Variants in DCHS2 observed in about 807,000 individuals in gnomAD.
DCHS2 encodes the protein dachsous cadherin-related 2.
A neutral mutation model predicts 182.4 loss-of-function variants in DCHS2; 142 were observed. That is an observed-to-expected ratio of 0.78 (90% CI 0.68 to 0.89). The LOEUF (loss-of-function observed/expected upper bound fraction) is 0.89, where lower values mean the gene tolerates loss of function less well. DCHS2 is among the 40% of genes least tolerant of loss of function. The pLI, the probability that DCHS2 is intolerant of heterozygous loss-of-function variation, is 0.00. For missense variants in DCHS2, 4,319 were observed against 4,198.6 expected (o/e 1.03, Z -0.79); for synonymous variants, 1,740 against 1,663.3 (o/e 1.05, Z -1.12).
intron 1 of DCHS2, among the ~76,000 whole-genome samples, chr4:154,458,356 A>G (rs1306498049): frequency 6.6e-6 from 1 of 152,192 alleles, no homozygotes; most frequent in Non-Finnish European, 1.5e-5. Flanking sequence ...AGTATGTAGA[A>G]GCTCTATGCT....
chr4:154,297,737 T>G, intron 13 of DCHS2, 114 bp downstream of exon 13: 5 of 1,474,330 alleles, frequency 3.4e-6, no homozygotes, highest in Non-Finnish European at 4.5e-6. Flanking sequence ...GAACAGGCAT[T>G]GAACTAAAAA....
At chr4:154,400,739 G>C (rs1461186607) in intron 1 of DCHS2, among the ~76,000 whole-genome samples, 1 of 152,102 alleles carries the variant, frequency 6.6e-6, no homozygotes, top group African/African-American at 2.4e-5. Flanking sequence ...ACTCATGCTA[G>C]CTACAAAATC....
In DCHS2 at chr4:154,489,208, A is replaced by G. The variant is rs1028767066; in HGVS notation, c.2052+96T>C. ...GCCAGTCTTGTATTTGAGAGCCGGA[A>G]TATTATCCTCCACATCACAATTTCC... On this transcript the variant is annotated intron_variant, in intron 1 of 19. Coordinates refer to ENST00000357232, the MANE Select transcript of DCHS2 (RefSeq NM_001358235.2). 1.3e-5 allele frequency: 14 copies of G among 1,041,590 alleles called. 1 individual carries two copies. In the East Asian group the frequency reaches 3.7e-4, roughly 27 times the overall value. The allele number at this position is 1,041,590 out of a possible 1,614,324, so 64.5% of individuals were successfully genotyped here. A position where few individuals can be genotyped will look rare whatever the true frequency, so the allele number is the denominator to read the frequency against.
In DCHS2 at chr4:154,321,057, TATC is replaced by T; in HGVS notation, c.4339_4341del (p.Asp1447del). 1 of 1,611,792 alleles carries T rather than the reference TATC, an allele frequency of 6.2e-7. No homozygotes were observed. The highest frequency in any genetic ancestry group is 8.5e-7 in the Non-Finnish European group (1 of 1,178,118). On this transcript the variant is annotated inframe_deletion, in exon 9 of 20. Transcript: ENST00000357232. ...CTGTCTATTTCAAAGTGTCCATCCT[TATC>T]ATCTGCAACAATACTAAAATGTAAC...
In DCHS2 at chr4:154,250,380, C is replaced by T. The variant is rs144916879; in HGVS notation, c.6941+5139G>A. Reference sequence around the variant, plus strand: ...CCTCAATTCTCATTTTACATATTCTCCCTAGGTAATTCATTTTACACATTT... The same window carrying T: ...CCTCAATTCTCATTTTACATATTCTTCCTAGGTAATTCATTTTACACATTT... On this transcript the variant is annotated intron_variant, in intron 16 of 19. Coordinates refer to ENST00000357232, the MANE Select transcript of DCHS2 (RefSeq NM_001358235.2). Among the ~76,000 whole-genome samples, 1,239 of 152,196 alleles carry T rather than the reference C, an allele frequency of 8.1e-3. 8 individuals are homozygous for T. Among genetic ancestry groups the T allele is most frequent in the Non-Finnish European group, 0.013 (873 of 68,006 alleles).
intron 9 of DCHS2, 127 bp downstream of exon 9, chr4:154,320,252 G>A: frequency 2.1e-6 from 3 of 1,406,052 alleles, no homozygotes; most frequent in Non-Finnish European, 2.8e-6. Flanking sequence ...GATACGCTGT[G>A]CAACATTGAA....
At chr4:154,452,178 G>T (rs1734562362) in intron 1 of DCHS2, among the ~76,000 whole-genome samples, 1 of 151,978 alleles carries the variant, frequency 6.6e-6, no homozygotes, top group South Asian at 2.1e-4. Context: ...CATACAGCTT[G>T]ATACTATAGT....
At chr4:154,336,437 C>T (rs1455313147) in intron 3 of DCHS2, among the ~76,000 whole-genome samples, 2 of 152,164 alleles carry the variant, frequency 1.3e-5, no homozygotes, top group African/African-American at 2.4e-5. Flanking sequence ...ATACGTATGG[C>T]TGGCCTTTAT....
chr4:154,419,081 G>A (rs1314054884), intron 1 of DCHS2, among the ~76,000 whole-genome samples: 3 of 151,450 alleles, frequency 2.0e-5, no homozygotes, highest in African/African-American at 7.4e-5. Context: ...TAGGCCTCCT[G>A]AGTAGGTGAC....
chr4:154,317,817 C>G (rs186174626), intron 9 of DCHS2, among the ~76,000 whole-genome samples: 4 of 152,198 alleles, frequency 2.6e-5, no homozygotes, highest in Admixed American at 2.0e-4. Context: ...GGGTGAGTGA[C>G]ATTTCTGCAG....
Position 154,490,779 on chromosome 4 carries a change from C to G in DCHS2, c.577G>C (p.Asp193His). 2 of 1,551,602 alleles carry G rather than the reference C, an allele frequency of 1.3e-6. No homozygotes were observed. Among genetic ancestry groups the G allele is most frequent in the Non-Finnish European group, 1.7e-6 (2 of 1,146,900 alleles). ...GTAFRLPVAH[D>H]PDAGLFSTQG... Reference sequence around the variant, plus strand: ...GTGCTGAACAGTCCGGCGTCCGGATCGTGGGCAACTGGCAGGCGGAAGGCG... The same window carrying G: ...GTGCTGAACAGTCCGGCGTCCGGATGGTGGGCAACTGGCAGGCGGAAGGCG... Residue 193 changes from aspartate to histidine, a missense_variant, in exon 1 of 20, where the codon GAT becomes CAT. Transcript: ENST00000357232.
intron 1 of DCHS2, among the ~76,000 whole-genome samples, chr4:154,463,190 C>CAA (rs34239893): frequency 1.6e-3 from 246 of 150,610 alleles, no homozygotes; most frequent in African/African-American, 5.8e-3. Context: ...CACACACACA[C>CAA]AGGAATTTGG....
chr4:154,305,188 T>C lies in DCHS2; in HGVS notation c.5304A>G (p.Ser1768=). Residue 1768 remains serine, a synonymous_variant, in exon 11 of 20, where the codon TCA becomes TCG. Transcript: ENST00000357232. ...KLQFEIMPGA[S]FELFEINSDT... is the part of the protein sequence containing the mutation. ...CAGAATTTATCTCGAATAATTCAAA[T>C]GAAGCACCTGGCATGATTTCAAACT... 5.0e-6 allele frequency: 8 copies of C among 1,612,922 alleles called. No homozygotes were observed. Among genetic ancestry groups the C allele is most frequent in the Non-Finnish European group, 5.9e-6 (7 of 1,179,482 alleles).
chr4:154,259,869 C>T, intron 14 of DCHS2, 113 bp from the exon 15 acceptor site: 1 of 1,243,130 alleles, frequency 8.0e-7, no homozygotes, highest in South Asian at 1.9e-5. Context: ...GTCGCCCAGG[C>T]TGGAGTGCAG....
chr4:154,390,939 A>G (rs1227743049), intron 1 of DCHS2, among the ~76,000 whole-genome samples: 1 of 152,250 alleles, frequency 6.6e-6, no homozygotes, highest in Admixed American at 6.5e-5. Context: ...ATGAATTTGG[A>G]TTACAAATAC....
At chr4:154,354,408 C>A (rs912751621) in intron 3 of DCHS2, among the ~76,000 whole-genome samples, 1 of 152,180 alleles carries the variant, frequency 6.6e-6, no homozygotes, top group South Asian at 2.1e-4. Flanking sequence ...CCATCAATCA[C>A]ATTAGTTAAA....
intron 1 of DCHS2, among the ~76,000 whole-genome samples, chr4:154,454,135 GCA>G (rs35387812): frequency 0.74 from 111,803 of 150,370 alleles, 41,967 homozygotes; most frequent in East Asian, 0.85. Flanking sequence ...ACATGCGCGC[GCA>G]CACACACACA....
intron 1 of DCHS2, among the ~76,000 whole-genome samples, chr4:154,417,190 TGTGTGTGTGTGTGTGAGAGAGAGAGAGA>T (rs1358750650): frequency 7.9e-4 from 87 of 109,566 alleles, no homozygotes; most frequent in African/African-American, 3.1e-3. Context: ...TGTGTGTGTG[TGTGTGTGTGTGTGTGAGAGAGAGAGAGA>T]GAGAGAGAGA....
intron 1 of DCHS2, among the ~76,000 whole-genome samples, chr4:154,388,151 T>C (rs971245618): frequency 6.6e-6 from 1 of 152,136 alleles, no homozygotes; most frequent in Non-Finnish European, 1.5e-5. Context: ...AAGATATTTG[T>C]ATGAAAAACA....
Sources: allele counts gnomAD v4.1 joint callset (sites outside exome capture counted in the v4.1 genomes callset), GRCh38; gene constraint gnomAD v4.1.1; transcripts MANE v1.5; gene names NCBI Gene and HGNC (gene_info 2026-07-23, HGNC 2026-07-21).